FHIT: variants seen among roughly 807,000 people sequenced by gnomAD.
FHIT encodes fragile histidine triad diadenosine triphosphatase, also known as bis(5'-adenosyl)-triphosphatase.
FHIT carries 19 observed loss-of-function variants against 17.9 expected under a neutral mutation model. The observed-to-expected ratio is 1.06, with a 90% confidence interval of 0.74 to 1.56. The LOEUF is 1.56. FHIT is among the 40% of genes most tolerant of loss of function. FHIT has a pLI of 0.00. For missense variants in FHIT, 248 were observed against 189.2 expected (o/e 1.31, Z -1.82); for synonymous variants, 81 against 69.7 (o/e 1.16, Z -0.81).
chr3:59,902,582 A>G (rs866840979), intron 8 of FHIT, among the ~76,000 whole-genome samples: 3 of 152,162 alleles, frequency 2.0e-5, no homozygotes, highest in African/African-American at 7.2e-5. Flanking sequence ...TGCGATGTAT[A>G]TATCAATAAT....
rs184164595 is a variant in FHIT at position 60,999,819 on chromosome 3, G to T, written c.-111+42228C>A. On this transcript the variant is annotated intron_variant, in intron 3 of 9. Coordinates refer to ENST00000492590, the MANE Select transcript of FHIT (RefSeq NM_002012.4). ...GTTGTAAAAAATATCATAAACAACA[G>T]AAATTTATTTATGATAGTTCTGGAG... Among the ~76,000 whole-genome samples the T allele has an allele frequency of 7.1e-3, 1,083 of 152,188 alleles. 9 individuals are homozygous for T. The highest frequency in any genetic ancestry group is 9.7e-3 in the Non-Finnish European group (660 of 68,004).
At chr3:60,097,383 GC>G (rs1429441395) in intron 5 of FHIT, among the ~76,000 whole-genome samples, 1 of 152,112 alleles carries the variant, frequency 6.6e-6, no homozygotes, top group Non-Finnish European at 1.5e-5. Flanking sequence ...AGGACACACT[GC>G]CCCTGAGGTA....
At chr3:60,742,254 T>C (rs1379654254) in intron 4 of FHIT, among the ~76,000 whole-genome samples, 1 of 152,160 alleles carries the variant, frequency 6.6e-6, no homozygotes, top group East Asian at 1.9e-4. Context: ...ACTTTTCACT[T>C]CCAATAGTCC....
intron 4 of FHIT, among the ~76,000 whole-genome samples, chr3:60,708,249 T>C (rs1347902063): frequency 6.6e-6 from 1 of 152,202 alleles, no homozygotes; most frequent in Non-Finnish European, 1.5e-5. Flanking sequence ...CAGACTCTGC[T>C]TATTTACACA....
chr3:60,499,568 T>C (rs1375866852), intron 5 of FHIT, among the ~76,000 whole-genome samples: 1 of 152,172 alleles, frequency 6.6e-6, no homozygotes, highest in East Asian at 1.9e-4. Context: ...ATATTTTGTA[T>C]CTTTAGTAGA....
chr3:60,801,004 G>GT (rs1553732059), intron 4 of FHIT, among the ~76,000 whole-genome samples: 1 of 152,152 alleles, frequency 6.6e-6, no homozygotes, highest in Non-Finnish European at 1.5e-5. Context: ...GGTGGTCTTG[G>GT]TAGGGGACCA....
At chr3:61,065,921 G>A (rs935235139) in intron 2 of FHIT, among the ~76,000 whole-genome samples, 4 of 152,096 alleles carry the variant, frequency 2.6e-5, no homozygotes, top group African/African-American at 9.7e-5. Flanking sequence ...GACTGTCTTA[G>A]TCTGCTTTGT....
chr3:60,487,916 A>T (rs1015818493), intron 5 of FHIT, among the ~76,000 whole-genome samples: 1 of 152,202 alleles, frequency 6.6e-6, no homozygotes, highest in Non-Finnish European at 1.5e-5. Context: ...TTCTCCAGCC[A>T]AAGCAAATAG....
chr3:60,263,794 A>AAAACTAAAG (rs1706426923), intron 5 of FHIT, among the ~76,000 whole-genome samples: 4 of 151,976 alleles, frequency 2.6e-5, no homozygotes, highest in African/African-American at 9.7e-5. Flanking sequence ...TCAAAAAATT[A>AAAACTAAAG]AAACTAAAGA....
rs547176895 is a variant in FHIT at position 59,912,811 on chromosome 3, A to C, written c.348+9535T>G. 2.0e-5 allele frequency among the ~76,000 whole-genome samples: 3 copies of C among 152,344 alleles called. No individual in the cohort carries two copies. The South Asian group carries it at 6.2e-4, about 32-fold the overall frequency. On this transcript the variant is annotated intron_variant, in intron 8 of 9. Transcript: ENST00000492590. The stretch of plus-strand genomic sequence containing the variant: ...TACTGGTGCAACTGGCCTACAAGAT[A>C]TTTATGGTCCATTAAGAGTTGTAAG...
chr3:61,186,067 A>G (rs948457355), intron 2 of FHIT, among the ~76,000 whole-genome samples: 1 of 152,218 alleles, frequency 6.6e-6, no homozygotes, highest in African/African-American at 2.4e-5. Context: ...CATATTTCAC[A>G]TTCAATTTTG....
chr3:60,041,490 A>T (rs1007935751), intron 5 of FHIT, among the ~76,000 whole-genome samples: 8 of 152,244 alleles, frequency 5.3e-5, no homozygotes, highest in African/African-American at 7.2e-5. Context: ...ATGCTAAGTT[A>T]ATTAGCCACA....
intron 3 of FHIT, among the ~76,000 whole-genome samples, chr3:60,923,531 T>C (rs532913077): frequency 9.8e-5 from 15 of 152,310 alleles, no homozygotes; most frequent in Admixed American, 2.0e-4. Flanking sequence ...ATAATTATAC[T>C]TCCTAAAAGA....
intron 3 of FHIT, among the ~76,000 whole-genome samples, chr3:61,009,904 T>C (rs2031690697): frequency 6.6e-6 from 1 of 152,192 alleles, no homozygotes; most frequent in South Asian, 2.1e-4. Context: ...GAAAAGAGCT[T>C]GAAGGTTTCT....
At chr3:60,046,000 T>C (rs1701638581) in intron 5 of FHIT, among the ~76,000 whole-genome samples, 1 of 152,232 alleles carries the variant, frequency 6.6e-6, no homozygotes, top group African/African-American at 2.4e-5. Flanking sequence ...TCAAAGCCTA[T>C]GCCCTTCTAA....
chr3:60,948,292 C>T (rs1708724399), intron 3 of FHIT, among the ~76,000 whole-genome samples: 1 of 152,152 alleles, frequency 6.6e-6, no homozygotes, highest in Admixed American at 6.5e-5. Context: ...TAGGTAACTA[C>T]AATGTTGGTA....
chr3:61,100,525 G>T (rs946938784), intron 2 of FHIT, among the ~76,000 whole-genome samples: 1 of 152,150 alleles, frequency 6.6e-6, no homozygotes, highest in Non-Finnish European at 1.5e-5. Flanking sequence ...ACACATACAT[G>T]TGCATATGTC....
intron 3 of FHIT, among the ~76,000 whole-genome samples, chr3:60,850,401 C>T (rs1316909661): frequency 1.3e-5 from 2 of 149,576 alleles, no homozygotes; most frequent in African/African-American, 4.9e-5. Flanking sequence ...AAGGTCTCAG[C>T]TCTAATGTTA....
At chr3:60,131,447 A>C (rs1299697418) in intron 5 of FHIT, among the ~76,000 whole-genome samples, 1 of 152,122 alleles carries the variant, frequency 6.6e-6, no homozygotes, top group African/African-American at 2.4e-5. Context: ...ATATTCGCAC[A>C]GATTCATATA....
Sources: allele counts gnomAD v4.1 joint callset (sites outside exome capture counted in the v4.1 genomes callset), GRCh38; gene constraint gnomAD v4.1.1; transcripts MANE v1.5; gene names NCBI Gene and HGNC (gene_info 2026-07-23, HGNC 2026-07-21).